Variants in ZNF18 observed in about 807,000 individuals in gnomAD.
ZNF18 encodes the protein heart development-specific gene 1 protein.
A neutral mutation model predicts 58.1 loss-of-function variants in ZNF18; 42 were observed. The observed-to-expected ratio is 0.72, with a 90% CI of 0.56 to 0.93. ZNF18 has a LOEUF of 0.93. Ranked by LOEUF, ZNF18 falls within the 40% of genes least tolerant of loss-of-function variation. The pLI, the probability that ZNF18 is intolerant of heterozygous loss-of-function variation, is 0.00. For missense variants in ZNF18, 540 were observed against 644.2 expected, an observed-to-expected ratio of 0.84 and a Z score of 1.75; for synonymous variants, 231 against 239.8, an observed-to-expected ratio of 0.96 and a Z score of 0.34.
chr17:11,999,643 G>A (rs1002222848), upstream of ZNF18, among the ~76,000 whole-genome samples: 1 of 152,124 alleles, frequency 6.6e-6, no homozygotes, highest in African/African-American at 2.4e-5. Flanking sequence ...AGCTATATAT[G>A]CAAGAATGAA....
At chr17:11,979,398 A>G (rs934539248) in intron 6 of ZNF18, among the ~76,000 whole-genome samples, 8 of 152,198 alleles carry the variant, frequency 5.3e-5, no homozygotes, top group African/African-American at 1.9e-4. Flanking sequence ...AAGACGCCCA[A>G]AATCTGTGAA....
chr17:12,017,715 TA>T, the ZNF18 span, among the ~76,000 whole-genome samples: 2 of 151,646 alleles, frequency 1.3e-5, no homozygotes, highest in African/African-American at 4.8e-5. Flanking sequence ...CCGTCTCTAC[TA>T]AAAGTAAAAA....
intron 6 of ZNF18, among the ~76,000 whole-genome samples, chr17:11,982,534 G>C (rs2151472172): frequency 6.6e-6 from 1 of 152,018 alleles, no homozygotes; most frequent in East Asian, 1.9e-4. Flanking sequence ...CTCTCTCTGT[G>C]GTATATTAGC....
chr17:11,983,231 C>T (rs1597954363), intron 6 of ZNF18, 66 bp downstream of exon 6: 28 of 1,266,834 alleles, frequency 2.2e-5, no homozygotes, highest in South Asian at 1.7e-4. Flanking sequence ...TCACCACCTC[C>T]CCAATCACCT....
At chr17:12,004,203 C>T in the ZNF18 span, among the ~76,000 whole-genome samples, 1 of 151,728 alleles carries the variant, frequency 6.6e-6, no homozygotes, top group Non-Finnish European at 1.5e-5. Flanking sequence ...TGCACTCCAG[C>T]CTGGGTGACA....
chr17:11,981,665 T>C (rs1267976656), intron 6 of ZNF18, among the ~76,000 whole-genome samples: 1 of 149,816 alleles, frequency 6.7e-6, no homozygotes, highest in Non-Finnish European at 1.5e-5. Context: ...AAAAAACGAG[T>C]AGGAATATAG....
chr17:11,997,306 G>A (rs1182948076), intron 1 of ZNF18, 125 bp downstream of exon 1: 1 of 152,590 alleles, frequency 6.6e-6, no homozygotes, highest in East Asian at 1.9e-4. Context: ...CAGACGCATG[G>A]GCAAGGGAGC....
intron 6 of ZNF18, among the ~76,000 whole-genome samples, chr17:11,982,646 G>GTA: frequency 7.2e-6 from 1 of 139,294 alleles, no homozygotes; most frequent in Non-Finnish European, 1.6e-5. Flanking sequence ...GGGATTTACT[G>GTA]TATATATAAA....
In ZNF18 at chr17:11,992,590, G is replaced by C. The variant is rs1448569711; in HGVS notation, c.240C>G (p.Ile80Met). Residue 80 changes from isoleucine to methionine, a missense_variant, in exon 2 of 7, where the codon ATC becomes ATG. By Grantham distance (10) the Ile-to-Met change is conservative. Coordinates refer to ENST00000580306, the MANE Select transcript of ZNF18 (RefSeq NM_001303281.2). ...LQPEVHTKEQ[I>M]LEILMLEQFL... ...ACTGCTCCAACATGAGGATCTCTAG[G>C]ATCTGCTCTTTGGTGTGAACCTCTG... 1 of 1,614,176 alleles carries C rather than the reference G, an allele frequency of 6.2e-7. No individual in the cohort carries two copies. Among genetic ancestry groups the C allele is most frequent in the East Asian group, 2.2e-5 (1 of 44,878 alleles).
At chr17:11,997,246 C>G (rs1375257566) in intron 1 of ZNF18, 185 bp downstream of exon 1, 1 of 152,614 alleles carries the variant, frequency 6.6e-6, no homozygotes, top group African/African-American at 2.4e-5. Context: ...CGGTCCACTC[C>G]CAGCCATGGC....
In ZNF18 at chr17:11,990,497, C is replaced by T. The variant is rs753918138; in HGVS notation, c.631G>A (p.Asp211Asn). 1.9e-6 allele frequency: 3 copies of T among 1,613,056 alleles called. No individual in the cohort carries two copies. Among genetic ancestry groups the T allele is most frequent in the Admixed American group, 3.3e-5 (2 of 59,944 alleles). ...RLEERLIRDQDLGASLLPAAP... is the reference protein window; with the variant it reads ...RLEERLIRDQNLGASLLPAAP... ...GCTGGGAGCAGTGAGGCTCCGAGGT[C>T]CTGGTCTCTGATCAGCCTTTCCTCC... Residue 211 changes from aspartate to asparagine, a missense_variant, in exon 4 of 7, where the codon GAC becomes AAC. By Grantham distance (23) the Asp-to-Asn change is conservative. Transcript: ENST00000580306.
chr17:12,008,296 C>G, the ZNF18 span, among the ~76,000 whole-genome samples: 2 of 152,148 alleles, frequency 1.3e-5, no homozygotes, highest in African/African-American at 4.8e-5. Context: ...TTTACTTGAA[C>G]TGGAATGCCT....
chr17:11,989,710 A>G (rs1274681565), intron 4 of ZNF18, among the ~76,000 whole-genome samples: 2 of 152,220 alleles, frequency 1.3e-5, no homozygotes, highest in East Asian at 3.8e-4. Flanking sequence ...AGAATGAAAA[A>G]TATACTGGAT....
the ZNF18 span, among the ~76,000 whole-genome samples, chr17:12,017,035 A>C: frequency 6.6e-6 from 1 of 151,950 alleles, no homozygotes; most frequent in Non-Finnish European, 1.5e-5. Context: ...CATCTCTACT[A>C]AAATTACAAA....
chr17:12,019,371 A>T, the ZNF18 span, among the ~76,000 whole-genome samples: 1 of 151,268 alleles, frequency 6.6e-6, no homozygotes, highest in Non-Finnish European at 1.5e-5. Context: ...CCTAATCTGT[A>T]GTGCTGCTTC....
intron 4 of ZNF18, among the ~76,000 whole-genome samples, chr17:11,987,975 T>C (rs1206419015): frequency 6.6e-6 from 1 of 152,230 alleles, no homozygotes; most frequent in Non-Finnish European, 1.5e-5. Context: ...TATTTTCATA[T>C]TCACGCTACA....
chr17:12,020,654 T>G, the ZNF18 span, among the ~76,000 whole-genome samples: 2 of 151,954 alleles, frequency 1.3e-5, no homozygotes, highest in Non-Finnish European at 2.9e-5. Flanking sequence ...GCAGCCCTGG[T>G]CCAAGACAGC....
At chr17:11,997,490 C>A (rs566276351), upstream of ZNF18, 4 of 152,374 alleles carry the variant, frequency 2.6e-5, no homozygotes, top group African/African-American at 9.6e-5. Context: ...GCGCGCGCCT[C>A]AGGCGGCAGG....
intron 4 of ZNF18, among the ~76,000 whole-genome samples, chr17:11,987,114 G>C (rs1279361789): frequency 6.6e-6 from 1 of 152,140 alleles, no homozygotes; most frequent in African/African-American, 2.4e-5. Context: ...CAGACACATG[G>C]GATTTGATGG....
Sources: gnomAD v4.1 joint callset for allele counts (sites outside exome capture counted in the v4.1 genomes callset) on GRCh38, gnomAD v4.1.1 for gene constraint, MANE v1.5 for transcripts, NCBI Gene and HGNC (gene_info 2026-07-23, HGNC 2026-07-21) for gene names.